The following LAX1 variants were observed in gnomAD, a reference collection of about 807,000 sequenced individuals.
LAX1 encodes lymphocyte transmembrane adapter 1.
LAX1 carries 17 observed loss-of-function variants against 20.7 expected under a neutral mutation model. The ratio of observed to expected loss-of-function variants is 0.82; its 90% CI spans 0.56 to 1.23. The LOEUF is 1.23. LAX1 is among the 50% of genes most tolerant of loss of function. The probability of loss-of-function intolerance (pLI) is 0.00; values close to 1 mark genes in which losing one functional copy is unlikely to be tolerated. For missense variants in LAX1, 470 were observed against 487.0 expected (o/e 0.97, Z 0.33); for synonymous variants, 165 against 181.0 (o/e 0.91, Z 0.71).
Position 203,775,720 on chromosome 1 carries a change from G to T in LAX1, c.*1039G>T, listed in dbSNP as rs1262877450. ...GATAAGCTGTTGATATCCATTCCTTGAGTTTATCCATACTCAACAGTAAAA... is the reference window on the plus strand; with the variant it reads ...GATAAGCTGTTGATATCCATTCCTTTAGTTTATCCATACTCAACAGTAAAA... On this transcript the variant is annotated 3_prime_UTR_variant, in exon 5 of 5. Coordinates refer to ENST00000442561, the MANE Select transcript of LAX1 (RefSeq NM_017773.4). 1 of 152,122 alleles carries T rather than the reference G, an allele frequency of 6.6e-6. No individual in the cohort carries two copies. The highest frequency in any genetic ancestry group is 1.5e-5 in the Non-Finnish European group (1 of 68,030). The allele number at this position is 152,122 out of a possible 1,614,324, so 9.4% of individuals were successfully genotyped here. A position where few individuals can be genotyped will look rare whatever the true frequency, so the allele number is the denominator to read the frequency against.
At chr1:203,768,628 A>C (rs900692204) in intron 1 of LAX1, among the ~76,000 whole-genome samples, 5 of 152,220 alleles carry the variant, frequency 3.3e-5, no homozygotes, top group African/African-American at 7.2e-5. Context: ...CGTGCCGTCA[A>C]GTCCTCTCTG....
In LAX1 at chr1:203,765,647, C is replaced by A. The variant is rs757349312; in HGVS notation, c.82C>A (p.Leu28Met). ...CACTCTGCATGTGACTCCCCGCAGCCTGGACAGGTGAGTGACTCAGGGTGG... is the reference window on the plus strand; with the variant it reads ...CACTCTGCATGTGACTCCCCGCAGCATGGACAGGTGAGTGACTCAGGGTGG... Reference protein sequence around the residue: ...SSTLHVTPRSLDRNKDQITNI... With the variant: ...SSTLHVTPRSMDRNKDQITNI... Residue 28 changes from leucine to methionine, a missense_variant, in exon 1 of 5, where the codon CTG (leucine) becomes ATG (methionine). Physicochemically the swap from Leu to Met is conservative, Grantham distance 15. Transcript: ENST00000442561. 6.2e-7 allele frequency: 1 copy of A among 1,614,062 alleles called. No homozygotes were observed. Among genetic ancestry groups the A allele is most frequent in the Non-Finnish European group, 8.5e-7 (1 of 1,179,964 alleles).
In LAX1 at chr1:203,774,635, G is replaced by A. The variant is rs768623192; in HGVS notation, c.1151G>A (p.Arg384Lys). 6.2e-7 allele frequency: 1 copy of A among 1,614,216 alleles called. No homozygotes were observed. Among genetic ancestry groups the A allele is most frequent in the Admixed American group, 1.7e-5 (1 of 60,020 alleles). Reference protein sequence around the residue: ...ENVLTAKLGGRDSEQGPGTQL... With the variant: ...ENVLTAKLGGKDSEQGPGTQL... ...GTGCTAACTGCCAAGTTAGGAGGCA[G>A]GGACTCTGAGCAGGGGCCTGGCACT... is the stretch of plus-strand genomic sequence containing the variant. Residue 384 changes from arginine to lysine, a missense_variant, in exon 5 of 5, where the codon AGG becomes AAG. Coordinates refer to ENST00000442561, the MANE Select transcript of LAX1 (RefSeq NM_017773.4).
intron 4 of LAX1, among the ~76,000 whole-genome samples, 189 bp from the exon 5 acceptor site, chr1:203,773,686 C>A (rs941113373): frequency 2.0e-5 from 3 of 151,408 alleles, no homozygotes; most frequent in African/African-American, 7.3e-5. Flanking sequence ...CGCACCCCCC[C>A]ACCAATTGAT....
At chr1:203,766,439 T>G (rs1310317520) in intron 1 of LAX1, among the ~76,000 whole-genome samples, 1 of 152,168 alleles carries the variant, frequency 6.6e-6, no homozygotes, top group Non-Finnish European at 1.5e-5. Context: ...GTCATGTCAT[T>G]GTACTCCAGC....
chr1:203,771,384 C>T lies in LAX1; in HGVS notation c.217C>T (p.Arg73Ter), dbSNP rs201400053. ...CCTTGCAGGACAAGTTCCTTACCTCCGAGTTACCGTCATGCCCTTGCTGAC... is the reference window on the plus strand; with the variant it reads ...CCTTGCAGGACAAGTTCCTTACCTCTGAGTTACCGTCATGCCCTTGCTGAC... ...KRKKRQVPYL[R>*]VTVMPLLTLP... Residue 73 changes from arginine to a stop codon, truncating the protein, a stop_gained, in exon 3 of 5, where the codon CGA becomes TGA. Transcript: ENST00000442561. LOFTEE classifies it high-confidence loss of function. 2.3e-5 allele frequency: 37 copies of T among 1,612,626 alleles called. No individual in the cohort carries two copies. Among genetic ancestry groups the T allele is most frequent in the East Asian group, 4.5e-5 (2 of 44,866 alleles).
intron 1 of LAX1, among the ~76,000 whole-genome samples, chr1:203,766,243 G>A (rs574947707): frequency 6.6e-6 from 1 of 152,308 alleles, no homozygotes; most frequent in Admixed American, 6.5e-5. Flanking sequence ...TTGGGAGGCC[G>A]AGTGGGGCGG....
rs1667285773 is a variant in LAX1 at position 203,765,261 on chromosome 1, C to A, written c.-305C>A. The A allele has an allele frequency of 3.2e-6, 4 of 1,268,830 alleles. No individual in the cohort carries two copies. The highest frequency in any genetic ancestry group is 2.0e-5 in the Admixed American group (1 of 50,418). 78.6% of individuals were successfully genotyped at this position (1,268,830 alleles called of 1,614,324 possible). ...CCTCTTGGCAGTTTCCCCCTCTGTG[C>A]CCCTCACGTTTCCACCAGAAACGTG... On this transcript the variant is annotated 5_prime_UTR_variant, in exon 1 of 5. Coordinates refer to ENST00000442561, the MANE Select transcript of LAX1 (RefSeq NM_017773.4).
intron 1 of LAX1, among the ~76,000 whole-genome samples, chr1:203,769,292 T>G (rs1259153751): frequency 6.6e-6 from 1 of 151,304 alleles, no homozygotes; most frequent in African/African-American, 2.4e-5. Context: ...CTCAGGAGAC[T>G]GAGGCAGGAG....
rs545631031 is a variant in LAX1 at position 203,773,850 on chromosome 1, A to G, written c.391-25A>G. 130 of 1,466,496 alleles carry G rather than the reference A, an allele frequency of 8.9e-5. No homozygotes were observed. In the Middle Eastern group the frequency reaches 9.3e-4, roughly 10 times the overall value. The allele number at this position is 1,466,496 out of a possible 1,614,324, so 90.8% of individuals were successfully genotyped here. A position where few individuals can be genotyped will look rare whatever the true frequency, so the allele number is the denominator to read the frequency against. On this transcript the variant is annotated intron_variant, in intron 4 of 4. Coordinates refer to ENST00000442561, the MANE Select transcript of LAX1 (RefSeq NM_017773.4). ...TCCATATTTCTGCTTGCATCTGACC[A>G]CTGGCTTCCTTTTCTTCTTCATAGC... is the stretch of plus-strand genomic sequence containing the variant.
chr1:203,770,172 C>T (rs1313129159), intron 1 of LAX1, among the ~76,000 whole-genome samples: 1 of 151,822 alleles, frequency 6.6e-6, no homozygotes, highest in Non-Finnish European at 1.5e-5. Flanking sequence ...AATTCCAGCA[C>T]TTTGGGAGGC....
Position 203,774,073 on chromosome 1 carries a change from C to A in LAX1, c.589C>A (p.Pro197Thr). 1 of 1,614,124 alleles carries A rather than the reference C, an allele frequency of 6.2e-7. No individual in the cohort carries two copies. Among genetic ancestry groups the A allele is most frequent in the South Asian group, 1.1e-5 (1 of 91,080 alleles). The change falls in exon 5 of 5, where the codon CCC (proline) becomes ACC (threonine). Residue 197 changes from proline (P) to threonine (T), a missense_variant. Physicochemically the swap from Pro to Thr is conservative, Grantham distance 38 (BLOSUM62 -1). Coordinates refer to ENST00000442561, the MANE Select transcript of LAX1 (RefSeq NM_017773.4). ...GGATTCGCATGATTATGTCAATGTC[C>A]CCACAGCAGAAGAGATTGCTGAGAC... ...SEDSHDYVNV[P>T]TAEEIAETLA...
In LAX1 at chr1:203,773,942, G is replaced by C; in HGVS notation, c.458G>C (p.Gly153Ala). 6.2e-7 allele frequency: 1 copy of C among 1,613,606 alleles called. No individual in the cohort carries two copies. Among genetic ancestry groups the C allele is most frequent in the East Asian group, 2.2e-5 (1 of 44,876 alleles). Reference sequence around the variant, plus strand: ...ATCCATGCCACAGAGTACGCGGTGGGTATCTATGACAACGCCATGGTCCCC... The same window carrying C: ...ATCCATGCCACAGAGTACGCGGTGGCTATCTATGACAACGCCATGGTCCCC... ...AHIHATEYAV[G>A]IYDNAMVPQM... Residue 153 changes from glycine (G) to alanine (A), a missense_variant, in exon 5 of 5, where the codon GGT (glycine) becomes GCT (alanine). By Grantham distance (60) the Gly-to-Ala change is moderately conservative. Transcript: ENST00000442561.
At chr1:203,772,824 C>T (rs1667444085) in intron 4 of LAX1, among the ~76,000 whole-genome samples, 1 of 151,582 alleles carries the variant, frequency 6.6e-6, no homozygotes, top group African/African-American at 2.4e-5. Flanking sequence ...CACAGGCACA[C>T]ACCACCACGC....
chr1:203,766,411 G>A (rs1667304762), intron 1 of LAX1, among the ~76,000 whole-genome samples: 1 of 152,158 alleles, frequency 6.6e-6, no homozygotes, highest in Non-Finnish European at 1.5e-5. Context: ...CTTGAACCCG[G>A]GAAACAGAGG....
chr1:203,769,501 A>G (rs1192210614), intron 1 of LAX1: 1 of 152,142 alleles, frequency 6.6e-6, no homozygotes, highest in Non-Finnish European at 1.5e-5. Flanking sequence ...ACTCAAGGGG[A>G]CAAAAACCTT....
chr1:203,775,825 C>T lies in LAX1; in HGVS notation c.*1144C>T, dbSNP rs975297590. ...AGTGAAAGAAGCTAGGCCTAAAAGTCTACATGTTGGGCGATTCTATTTATA... is the reference window on the plus strand; with the variant it reads ...AGTGAAAGAAGCTAGGCCTAAAAGTTTACATGTTGGGCGATTCTATTTATA... On this transcript the variant is annotated 3_prime_UTR_variant, in exon 5 of 5. Coordinates refer to ENST00000442561, the MANE Select transcript of LAX1 (RefSeq NM_017773.4). 1.3e-5 allele frequency: 2 copies of T among 152,144 alleles called. No individual in the cohort carries two copies. The highest frequency in any genetic ancestry group is 4.8e-5 in the African/African-American group (2 of 41,412). 9.4% of individuals were successfully genotyped at this position (152,144 alleles called of 1,614,324 possible).
In LAX1 at chr1:203,774,239, G is replaced by A; in HGVS notation, c.755G>A (p.Ser252Asn). The A allele has an allele frequency of 6.2e-7, 1 of 1,614,174 alleles. No homozygotes were observed. Among genetic ancestry groups the A allele is most frequent in the Non-Finnish European group, 8.5e-7 (1 of 1,180,014 alleles). ...TTGTATTCTCCAGGAGCTGAGGACA[G>A]TGATTCACTCAGCAATGGAGAAGGT... ...TSLYSPGAED[S>N]DSLSNGEGSS... The change falls in exon 5 of 5, where the codon AGT becomes AAT. Residue 252 changes from serine (S) to asparagine (N), a missense_variant. Ser to Asn is a conservative substitution (Grantham distance 46, BLOSUM62 1). Transcript: ENST00000442561.
Position 203,768,956 on chromosome 1 carries a change from C to G in LAX1, c.90-1872C>G, listed in dbSNP as rs140757928. Among the ~76,000 whole-genome samples the G allele has an allele frequency of 1.7e-4, 26 of 152,148 alleles. No homozygotes were observed. In the South Asian group the frequency reaches 2.3e-3, roughly 13 times the overall value. On this transcript the variant is annotated intron_variant, in intron 1 of 4. Transcript: ENST00000442561. ...AGTGGGGCATGAAAGAAAAAGAGCT[C>G]CAAGAATGGCTCCAAGATTTTTGAC...
Sources: gnomAD v4.1 joint callset for allele counts (sites outside exome capture counted in the v4.1 genomes callset) on GRCh38, gnomAD v4.1.1 for gene constraint, MANE v1.5 for transcripts, NCBI Gene and HGNC (gene_info 2026-07-23, HGNC 2026-07-21) for gene names.